Variants in BCAS3 observed in about 807,000 individuals in gnomAD.
BCAS3 encodes the protein BCAS3 microtubule associated cell migration factor.
A neutral mutation model predicts 116.1 loss-of-function variants in BCAS3; 53 were observed. That is an observed-to-expected ratio of 0.46 (90% CI 0.37 to 0.57). The LOEUF is 0.57. BCAS3 is among the 20% of genes least tolerant of loss of function. The pLI, the probability that BCAS3 is intolerant of heterozygous loss-of-function variation, is 0.00. For missense variants in BCAS3, 917 were observed against 1,165.4 expected, an observed-to-expected ratio of 0.79 and a Z score of 3.10; for synonymous variants, 391 against 408.2, an observed-to-expected ratio of 0.96 and a Z score of 0.51.
intron 3 of BCAS3, among the ~76,000 whole-genome samples, chr17:60,685,306 G>A (rs1044939017): frequency 3.9e-5 from 6 of 151,956 alleles, no homozygotes; most frequent in Admixed American, 1.3e-4. Flanking sequence ...AAAATTAGCC[G>A]GGTGTGGTGG....
At chr17:60,776,668 G>A (rs185415179) in intron 6 of BCAS3, among the ~76,000 whole-genome samples, 4 of 147,766 alleles carry the variant, frequency 2.7e-5, no homozygotes, top group South Asian at 2.1e-4. Context: ...GCAGTGAGCC[G>A]AGATCGCACC....
chr17:60,947,285 C>T lies in BCAS3; in HGVS notation c.1154C>T (p.Pro385Leu). The T allele has an allele frequency of 1.2e-6, 2 of 1,612,846 alleles. No homozygotes were observed. The highest frequency in any genetic ancestry group is 1.7e-6 in the Non-Finnish European group (2 of 1,178,890). Residue 385 changes from proline (P) to leucine (L), a missense_variant, in exon 14 of 24, where the codon CCT becomes CTT. Coordinates refer to ENST00000407086, the MANE Select transcript of BCAS3 (RefSeq NM_017679.5). ...CATGTCTTCCAAATTCTGACTCATC[C>T]TTGGTCCTCATCACAATGTGCTGTC... ...DFHVFQILTH[P>L]WSSSQCAVHH...
intron 7 of BCAS3, among the ~76,000 whole-genome samples, chr17:60,816,958 T>G (rs975472466): frequency 6.6e-6 from 1 of 152,212 alleles, no homozygotes; most frequent in Non-Finnish European, 1.5e-5. Context: ...AGGTGCTATG[T>G]GCCCCAAGTG....
chr17:61,236,451 C>T (rs1008779330), intron 22 of BCAS3, among the ~76,000 whole-genome samples: 25 of 152,256 alleles, frequency 1.6e-4, no homozygotes, highest in Admixed American at 7.8e-4. Flanking sequence ...TCCTGAATAG[C>T]TGGGACTATA....
chr17:61,176,835 A>G (rs1186550769), intron 22 of BCAS3, among the ~76,000 whole-genome samples: 1 of 152,230 alleles, frequency 6.6e-6, no homozygotes, highest in Non-Finnish European at 1.5e-5. Flanking sequence ...TGCCAGGATT[A>G]TAGGCATGAG....
intron 22 of BCAS3, among the ~76,000 whole-genome samples, chr17:61,268,585 GT>G (rs201739100): frequency 1.3e-4 from 20 of 150,196 alleles, no homozygotes; most frequent in African/African-American, 4.9e-4. Context: ...GGTTTTTTTT[GT>G]TTTTTTTGTT....
intron 7 of BCAS3, among the ~76,000 whole-genome samples, chr17:60,862,143 C>T (rs929105237): frequency 6.6e-6 from 1 of 152,252 alleles, no homozygotes; most frequent in South Asian, 2.1e-4. Flanking sequence ...ATTAGCCGGG[C>T]ATGGTGGCAA....
intron 6 of BCAS3, among the ~76,000 whole-genome samples, chr17:60,784,124 TA>T (rs1392021822): frequency 2.6e-5 from 4 of 151,940 alleles, no homozygotes; most frequent in Non-Finnish European, 5.9e-5. Flanking sequence ...GTATCTAAGT[TA>T]AAAAACTCTT....
chr17:60,797,203 T>A (rs2047289609), intron 6 of BCAS3, among the ~76,000 whole-genome samples: 1 of 152,142 alleles, frequency 6.6e-6, no homozygotes. Context: ...GCCGTTTTCC[T>A]TCTTTTTTAA....
intron 22 of BCAS3, among the ~76,000 whole-genome samples, chr17:61,310,618 A>T (rs1365520557): frequency 6.6e-6 from 1 of 152,118 alleles, no homozygotes; most frequent in African/African-American, 2.4e-5. Context: ...CCTGCATGCG[A>T]ATCATCGCCC....
chr17:60,931,576 C>T (rs73320702), intron 13 of BCAS3, among the ~76,000 whole-genome samples: 13,062 of 152,074 alleles, frequency 0.086, 1,887 homozygotes, highest in African/African-American at 0.3. Flanking sequence ...CACACCCGGC[C>T]GGAATCTTCT....
intron 5 of BCAS3, among the ~76,000 whole-genome samples, chr17:60,726,392 G>A (rs2039863287): frequency 6.7e-6 from 1 of 148,238 alleles, no homozygotes; most frequent in African/African-American, 2.5e-5. Context: ...TGGAGACAGG[G>A]TTTCTCCATG....
At chr17:61,176,478 AT>A (rs2144146118) in intron 22 of BCAS3, among the ~76,000 whole-genome samples, 1 of 151,120 alleles carries the variant, frequency 6.6e-6, no homozygotes, top group African/African-American at 2.4e-5. Context: ...CTGTCCCCCC[AT>A]TGTCAGTGAT....
chr17:61,272,655 AAAAAAAAAAAAAGC>A (rs1393357459), intron 22 of BCAS3, among the ~76,000 whole-genome samples: 1 of 144,680 alleles, frequency 6.9e-6, no homozygotes, highest in Non-Finnish European at 1.5e-5. Flanking sequence ...AAAAAAAAAA[AAAAAAAAAAAAAGC>A]AATTTTGATC....
intron 5 of BCAS3, among the ~76,000 whole-genome samples, chr17:60,739,130 G>A (rs1469860863): frequency 6.6e-6 from 1 of 152,102 alleles, no homozygotes; most frequent in African/African-American, 2.4e-5. Context: ...TTCATGGGTA[G>A]TGCAATACCT....
chr17:61,101,253 T>A (rs951067387), intron 22 of BCAS3, among the ~76,000 whole-genome samples: 1 of 152,154 alleles, frequency 6.6e-6, no homozygotes, highest in Admixed American at 6.5e-5. Flanking sequence ...ATACTTATCC[T>A]TTAAGCAGTA....
intron 22 of BCAS3, among the ~76,000 whole-genome samples, chr17:61,231,888 G>A (rs868832668): frequency 5.7e-4 from 62 of 108,178 alleles, no homozygotes; most frequent in African/African-American, 1.2e-3. Context: ...AAAAAAAAAA[G>A]AAAGAGAAAG....
rs1180523359 is a variant in BCAS3, at chr17:61,114,058, T to G, written c.2425+29494T>G. Among the ~76,000 whole-genome samples, 3 of 151,696 alleles carry G rather than the reference T, an allele frequency of 2.0e-5. No homozygotes were observed. The East Asian group carries it at 5.8e-4, about 29-fold the overall frequency. On this transcript the variant is annotated intron_variant, in intron 22 of 23. Transcript: ENST00000407086. ...CAACAACCCTTCATGCTAAAAACTC[T>G]CAAGAAATTAGGTATTGATGGGATG...
At position 61,056,575 on chromosome 17, in the gene BCAS3, C is replaced by A. The variant is rs3785868; in HGVS notation, c.2029+15683C>A. ...ATGCAGGCTTTGTATTAACAAAGCC[C>A]TATTCCCCTTAGAACTTACTGATGT... is the stretch of plus-strand genomic sequence containing the variant. On this transcript the variant is annotated intron_variant, in intron 19 of 23. Transcript: ENST00000407086. The surrounding 1 kb of genome is among the most constrained non-coding windows in gnomAD (Gnocchi z 4.9). Among the ~76,000 whole-genome samples, 45 of 151,722 alleles carry A rather than the reference C, an allele frequency of 3.0e-4. No homozygotes were observed. Among genetic ancestry groups the A allele is most frequent in the African/African-American group, 1.0e-3 (42 of 41,260 alleles).
Sources: allele counts gnomAD v4.1 joint callset (sites outside exome capture counted in the v4.1 genomes callset), GRCh38; gene constraint gnomAD v4.1.1; non-coding constraint Gnocchi (gnomAD v3.1); transcripts MANE v1.5; gene names NCBI Gene and HGNC (gene_info 2026-07-23, HGNC 2026-07-21).